RBM17: variants seen among roughly 807,000 people sequenced by gnomAD.
The protein encoded by RBM17 is splicing factor 45.
RBM17 carries 7 observed loss-of-function variants against 53.2 expected under a neutral mutation model. The ratio of observed to expected loss-of-function variants is 0.13; its 90% CI spans 0.07 to 0.25. The LOEUF (loss-of-function observed/expected upper bound fraction) is 0.25, where lower values mean the gene tolerates loss of function less well. Ranked by LOEUF, RBM17 falls within the 10% of genes least tolerant of loss-of-function variation. RBM17 has a pLI of 1.00. For synonymous variants in RBM17, 167 were observed against 178.1 expected, an observed-to-expected ratio of 0.94 and a Z score of 0.50; for missense variants, 257 against 496.7, an observed-to-expected ratio of 0.52 and a Z score of 4.59.
intron 6 of RBM17, 139 bp downstream of exon 6, chr10:6,108,881 CCGCACCT>C (rs1588350002): frequency 1.6e-6 from 1 of 610,850 alleles, no homozygotes; most frequent in South Asian, 2.1e-5. Context: ...TCACCTGAGG[CCGCACCT>C]GGATCTCAGA....
At position 6,089,174 on chromosome 10, in the gene RBM17, G is replaced by C. The variant is rs1042411679; in HGVS notation, c.-38G>C. 3.0e-4 allele frequency: 46 copies of C among 152,058 alleles called. No individual in the cohort carries two copies. The highest frequency in any genetic ancestry group is 1.1e-3 in the African/African-American group (46 of 41,478). 9.4% of individuals were successfully genotyped at this position (152,058 alleles called of 1,614,324 possible). ...CTGCCGCCGGCGCGGCTCATGGGCAGAGTCGGCCGGGCGGGCCGGGTAAGT... is the reference window on the plus strand; with the variant it reads ...CTGCCGCCGGCGCGGCTCATGGGCACAGTCGGCCGGGCGGGCCGGGTAAGT... On this transcript the variant is annotated 5_prime_UTR_variant, in exon 1 of 12. Transcript: ENST00000379888. The surrounding 1 kb of genome is among the most constrained non-coding windows in gnomAD (Gnocchi z 5.6).
At chr10:6,109,605 TCTAGACAGGTG>T (rs1305742449) in intron 6 of RBM17, among the ~76,000 whole-genome samples, 2 of 152,062 alleles carry the variant, frequency 1.3e-5, no homozygotes, top group East Asian at 3.9e-4. Flanking sequence ...GAGGTCGGGG[TCTAGACAGGTG>T]CACCCAAGTT....
intron 1 of RBM17, among the ~76,000 whole-genome samples, chr10:6,095,832 C>T (rs528739671): frequency 3.9e-5 from 6 of 152,158 alleles, no homozygotes; most frequent in South Asian, 2.1e-4. Context: ...GGTGTTGGGG[C>T]GGCAGGGTCT....
rs1840587723 is a variant in RBM17 at position 6,097,049 on chromosome 10, A to G, written c.-17A>G. On this transcript the variant is annotated splice_region_variant and 5_prime_UTR_variant, in exon 2 of 12. Transcript: ENST00000379888. ...ATCCCCACCCCTTTTGCCTTTCAGC[A>G]TTAAACTGAAGAAAAGATGTCCCTG... The G allele has an allele frequency of 1.9e-6, 3 of 1,611,452 alleles. No individual in the cohort carries two copies. The highest frequency in any genetic ancestry group is 2.5e-6 in the Non-Finnish European group (3 of 1,179,464).
At chr10:6,113,304 A>C in intron 8 of RBM17, 1 of 452,486 alleles carries the variant, frequency 2.2e-6, no homozygotes, top group Non-Finnish European at 4.0e-6. Context: ...TATTGTAAAA[A>C]CATGCCAAAG....
chr10:6,096,498 G>A (rs1465058213), intron 1 of RBM17, among the ~76,000 whole-genome samples: 2 of 152,058 alleles, frequency 1.3e-5, no homozygotes, highest in African/African-American at 4.8e-5. Context: ...ATTTCCACTT[G>A]GTGTGATATG....
intron 1 of RBM17, among the ~76,000 whole-genome samples, chr10:6,092,197 G>T (rs1197099027): frequency 6.6e-6 from 1 of 152,166 alleles, no homozygotes; most frequent in African/African-American, 2.4e-5. Flanking sequence ...GCTTCTTATG[G>T]TATATCCAGT....
chr10:6,114,391 G>A, intron 10 of RBM17: 1 of 377,348 alleles, frequency 2.7e-6, no homozygotes, highest in South Asian at 2.4e-5. Context: ...GATGACTGAA[G>A]ACCTTGATTC....
chr10:6,102,844 C>T (rs1376132400), intron 3 of RBM17, among the ~76,000 whole-genome samples: 4 of 152,126 alleles, frequency 2.6e-5, no homozygotes, highest in South Asian at 2.1e-4. Context: ...TCTGTCACCA[C>T]GCTGGAGAGC....
In RBM17 at chr10:6,091,013, T is replaced by G. The variant is rs373124946; in HGVS notation, c.-19+1820T>G. ...TATATGTATATAAATATATAAATAT[T>G]TATATATTTATATATATTTATATAT... On this transcript the variant is annotated intron_variant, in intron 1 of 11. Coordinates refer to ENST00000379888, the MANE Select transcript of RBM17 (RefSeq NM_032905.5). Among the ~76,000 whole-genome samples, 172 of 113,878 alleles carry G rather than the reference T, an allele frequency of 1.5e-3. 2 individuals carry two copies. The East Asian group carries it at 0.031, about 20-fold the overall frequency. 74.7% of individuals were successfully genotyped at this position (113,878 alleles called of 152,430 possible).
chr10:6,094,199 C>T (rs1334880402), intron 1 of RBM17, among the ~76,000 whole-genome samples: 1 of 151,864 alleles, frequency 6.6e-6, no homozygotes, highest in Non-Finnish European at 1.5e-5. Flanking sequence ...AGGATGGTCT[C>T]GATCTCCTGA....
intron 6 of RBM17, 143 bp downstream of exon 6, chr10:6,108,885 ACCTG>A (rs75593307): frequency 0.74 from 444,301 of 603,306 alleles, 165,850 homozygotes; most frequent in Non-Finnish European, 0.77. Flanking sequence ...CTGAGGCCGC[ACCTG>A]GATCTCAGAA....
chr10:6,101,082 GT>G (rs2132944580), intron 2 of RBM17, among the ~76,000 whole-genome samples, 188 bp from the exon 3 acceptor site: 1 of 152,252 alleles, frequency 6.6e-6, no homozygotes, highest in South Asian at 2.1e-4. Context: ...AAAATCTCAT[GT>G]TTTTGAAAAA....
At position 6,101,398 on chromosome 10, in the gene RBM17, G is replaced by A. The variant is rs764045439; in HGVS notation, c.240+11G>A. 4.5e-6 allele frequency: 7 copies of A among 1,550,532 alleles called. No homozygotes were observed. The highest frequency in any genetic ancestry group is 2.3e-5 in the East Asian group (1 of 44,384). ...GCAGCTGGGCTGAAGGTAAGCCCGC[G>A]CCTGCCTGTGAGCTTGATACGTGTC... On this transcript the variant is annotated intron_variant, in intron 3 of 11. Coordinates refer to ENST00000379888, the MANE Select transcript of RBM17 (RefSeq NM_032905.5).
rs1209248225 is a variant in RBM17 at position 6,107,482 on chromosome 10, T to C, written c.506-1204T>C. 2.8e-3 allele frequency among the ~76,000 whole-genome samples: 282 copies of C among 100,494 alleles called. 1 individual carries two copies. Among genetic ancestry groups the C allele is most frequent in the South Asian group, 0.014 (38 of 2,802 alleles). The allele number at this position is 100,494 out of a possible 152,430, so 65.9% of individuals were successfully genotyped here. A position where few individuals can be genotyped will look rare whatever the true frequency, so the allele number is the denominator to read the frequency against. On this transcript the variant is annotated intron_variant, in intron 5 of 11. Transcript: ENST00000379888. The stretch of plus-strand genomic sequence containing the variant: ...TATGAGCCACTGCACCCGGCCTCTT[T>C]TTTTTTTTTTTTTTTTTTGGAGACA...
At chr10:6,091,409 GA>G (rs1416117743) in intron 1 of RBM17, among the ~76,000 whole-genome samples, 2 of 152,172 alleles carry the variant, frequency 1.3e-5, no homozygotes, top group Non-Finnish European at 2.9e-5. Context: ...TATGATGCAT[GA>G]ATATCTGTTT....
rs186322196 is a variant in RBM17 at position 6,103,464 on chromosome 10, C to T, written c.241-1467C>T. Reference sequence around the variant, plus strand: ...TATTGACAGTTTGTTCTCTTAGACACGTTGTGATAATTGTGTTAGATAAAT... The same window carrying T: ...TATTGACAGTTTGTTCTCTTAGACATGTTGTGATAATTGTGTTAGATAAAT... On this transcript the variant is annotated intron_variant, in intron 3 of 11. Transcript: ENST00000379888. Among the ~76,000 whole-genome samples the T allele has an allele frequency of 1.3e-3, 196 of 152,178 alleles. 1 individual carries two copies. The highest frequency in any genetic ancestry group is 0.01 in the Middle Eastern group (3 of 294).
At chr10:6,099,591 CCTAACA>C (rs770745505) in intron 2 of RBM17, among the ~76,000 whole-genome samples, 140 of 152,176 alleles carry the variant, frequency 9.2e-4, no homozygotes, top group Non-Finnish European at 1.0e-3. Flanking sequence ...GCTTGCAATA[CCTAACA>C]CAATGTAAAT....
At chr10:6,095,785 C>T (rs1840563307) in intron 1 of RBM17, among the ~76,000 whole-genome samples, 1 of 152,142 alleles carries the variant, frequency 6.6e-6, no homozygotes, top group Non-Finnish European at 1.5e-5. Context: ...TGCACTCCGT[C>T]CCCCACTCCA....
Sources: gnomAD v4.1 joint callset for allele counts (sites outside exome capture counted in the v4.1 genomes callset) on GRCh38, gnomAD v4.1.1 for gene constraint, Gnocchi (gnomAD v3.1) non-coding constraint, MANE v1.5 for transcripts, NCBI Gene and HGNC (gene_info 2026-07-23, HGNC 2026-07-21) for gene names.